The following NAALADL2 variants were observed in gnomAD, a reference collection of about 807,000 sequenced individuals.
NAALADL2 encodes inactive N-acetylated-alpha-linked acidic dipeptidase-like protein 2.
NAALADL2 carries 76 observed loss-of-function variants against 87.2 expected under a neutral mutation model. That is an observed-to-expected ratio of 0.87 (90% CI 0.72 to 1.05). NAALADL2 has a LOEUF of 1.05. NAALADL2 is among the 50% of genes least tolerant of loss of function. The pLI, the probability that NAALADL2 is intolerant of heterozygous loss-of-function variation, is 0.00. For synonymous variants in NAALADL2, 354 were observed against 331.0 expected (o/e 1.07, Z -0.75); for missense variants, 1,089 against 945.8 (o/e 1.15, Z -1.99).
intron 2 of NAALADL2, among the ~76,000 whole-genome samples, chr3:175,181,284 T>C (rs1046803113): frequency 6.6e-6 from 1 of 152,094 alleles, no homozygotes; most frequent in Non-Finnish European, 1.5e-5. Flanking sequence ...TGTAGTTTTT[T>C]ATATTGACAA....
intron 9 of NAALADL2, among the ~76,000 whole-genome samples, chr3:175,510,796 C>G (rs1197261010): frequency 6.6e-6 from 1 of 152,120 alleles, no homozygotes; most frequent in Admixed American, 6.5e-5. Flanking sequence ...AATCCCAGGT[C>G]TCCCACTTAG....
intron 1 of NAALADL2, among the ~76,000 whole-genome samples, chr3:175,024,386 C>T (rs887083088): frequency 6.6e-6 from 1 of 152,058 alleles, no homozygotes; most frequent in Non-Finnish European, 1.5e-5. Context: ...AACTAAGCAG[C>T]AGCTGCGAGT....
intron 2 of NAALADL2, among the ~76,000 whole-genome samples, chr3:174,615,321 G>A (rs534774924): frequency 5.8e-4 from 89 of 152,272 alleles, no homozygotes; most frequent in Non-Finnish European, 1.1e-3. Context: ...TTTAGACAGT[G>A]TTCCACAAAT....
At chr3:175,145,988 A>T (rs990557265) in intron 2 of NAALADL2, among the ~76,000 whole-genome samples, 14 of 152,240 alleles carry the variant, frequency 9.2e-5, no homozygotes, top group Admixed American at 6.5e-4. Context: ...TTTGTAGCAC[A>T]CAAATTAGAT....
At chr3:174,980,534 C>T (rs193190682) in intron 1 of NAALADL2, among the ~76,000 whole-genome samples, 98 of 152,040 alleles carry the variant, frequency 6.4e-4, no homozygotes, top group Non-Finnish European at 1.1e-3. Context: ...ATAATAGTAA[C>T]CCAAAGCATT....
intron 1 of NAALADL2, among the ~76,000 whole-genome samples, chr3:175,018,061 G>T (rs1443193486): frequency 6.6e-6 from 1 of 151,968 alleles, no homozygotes; most frequent in Non-Finnish European, 1.5e-5. Flanking sequence ...GCCACCTTTT[G>T]GATAAGAGGT....
At position 174,614,832 on chromosome 3, in the gene NAALADL2, T is replaced by G. The variant is rs553275087; in HGVS notation, c.-115+64195T>G. ...TTTAGAAATTCTTAGTGTATTGTCT[T>G]TTTCCTAGAGTGTCTAAAATCTGAA... is the stretch of plus-strand genomic sequence containing the variant. On this transcript the variant is annotated intron_variant, in intron 2 of 3. Coordinates refer to the NAALADL2 transcript ENST00000434257. Among the ~76,000 whole-genome samples the G allele has an allele frequency of 3.3e-5, 5 of 152,300 alleles. No homozygotes were observed. In the East Asian group the frequency reaches 7.7e-4, roughly 23 times the overall value.
At chr3:175,311,747 T>G (rs547359928) in intron 4 of NAALADL2, among the ~76,000 whole-genome samples, 21 of 148,542 alleles carry the variant, frequency 1.4e-4, no homozygotes, top group Admixed American at 1.1e-3. Context: ...CCCTCCCTTC[T>G]TCCTTCCTGA....
intron 5 of NAALADL2, among the ~76,000 whole-genome samples, chr3:175,442,201 T>C (rs1719893711): frequency 6.6e-6 from 1 of 152,054 alleles, no homozygotes; most frequent in African/African-American, 2.4e-5. Context: ...CTCCTCGACC[T>C]CTCAAAGTGC....
At chr3:175,394,159 G>T (rs1397257650) in intron 5 of NAALADL2, among the ~76,000 whole-genome samples, 1 of 152,030 alleles carries the variant, frequency 6.6e-6, no homozygotes, top group Non-Finnish European at 1.5e-5. Context: ...TTTTACTTTG[G>T]TTATCATTGA....
intron 2 of NAALADL2, among the ~76,000 whole-genome samples, chr3:174,568,644 T>A (rs945300292): frequency 1.3e-5 from 2 of 151,808 alleles, no homozygotes; most frequent in Non-Finnish European, 2.9e-5. Context: ...TTATTAGTAC[T>A]GATGTATGTA....
chr3:175,256,377 G>A, intron 3 of NAALADL2, 34 bp from the exon 4 acceptor site: 1 of 1,578,230 alleles, frequency 6.3e-7, no homozygotes, highest in Non-Finnish European at 8.6e-7. Flanking sequence ...TTCCTCTGAG[G>A]CTTTATTTTT....
chr3:175,260,772 C>T (rs550778565), intron 4 of NAALADL2, among the ~76,000 whole-genome samples: 3 of 151,986 alleles, frequency 2.0e-5, no homozygotes, highest in Non-Finnish European at 2.9e-5. Flanking sequence ...TCTCTACATC[C>T]GAGCTAGGGA....
chr3:175,726,315 A>T (rs1742918435), intron 11 of NAALADL2, among the ~76,000 whole-genome samples: 1 of 151,960 alleles, frequency 6.6e-6, no homozygotes, highest in South Asian at 2.1e-4. Flanking sequence ...ATGGGAATAG[A>T]AAGTAAGCAT....
rs1218762184 is a variant in NAALADL2, at chr3:175,158,855, A to G, written c.545+61564A>G. The stretch of plus-strand genomic sequence containing the variant: ...AAAGTATCCTAATTTGATAATGAAT[A>G]TATTGGAATGATCCAATTCTGAAAA... On this transcript the variant is annotated intron_variant, in intron 2 of 13. Coordinates refer to ENST00000454872, the MANE Select transcript of NAALADL2 (RefSeq NM_207015.3). Among the ~76,000 whole-genome samples, 3 of 152,136 alleles carry G rather than the reference A, an allele frequency of 2.0e-5. No individual in the cohort carries two copies. In the East Asian group the frequency reaches 5.8e-4, roughly 29 times the overall value.
At chr3:174,790,937 T>C (rs1717392338) in intron 3 of NAALADL2, among the ~76,000 whole-genome samples, 1 of 152,172 alleles carries the variant, frequency 6.6e-6, no homozygotes, top group Admixed American at 6.6e-5. Context: ...AATCGGAAGA[T>C]ATAAAGTATA....
chr3:175,458,342 A>T (rs944082706), intron 6 of NAALADL2, among the ~76,000 whole-genome samples: 2 of 151,458 alleles, frequency 1.3e-5, no homozygotes, highest in African/African-American at 2.4e-5. Context: ...ACTCAGATTT[A>T]TATCTGTATT....
intron 1 of NAALADL2, among the ~76,000 whole-genome samples, chr3:174,882,450 TATATATAC>T (rs1237089430): frequency 3.3e-5 from 5 of 150,948 alleles, no homozygotes; most frequent in Admixed American, 2.0e-4. Flanking sequence ...TATATGTGTG[TATATATAC>T]ATATATACAT....
chr3:175,349,682 A>C (rs754112947), intron 5 of NAALADL2, among the ~76,000 whole-genome samples: 4 of 152,172 alleles, frequency 2.6e-5, no homozygotes, highest in Non-Finnish European at 5.9e-5. Flanking sequence ...AAGTTTGAGG[A>C]GACTGATACT....
Sources: gnomAD v4.1 joint callset for allele counts (sites outside exome capture counted in the v4.1 genomes callset) on GRCh38, gnomAD v4.1.1 for gene constraint, MANE v1.5 for transcripts, NCBI Gene and HGNC (gene_info 2026-07-23, HGNC 2026-07-21) for gene names.